NAV1: variants seen among roughly 807,000 people sequenced by gnomAD.
NAV1 encodes the protein pore membrane and/or filament interacting like protein 3.
Under a neutral mutation model 175.2 loss-of-function variants are expected in NAV1, and 18 were observed. The ratio of observed to expected loss-of-function variants is 0.10; its 90% CI spans 0.07 to 0.15. NAV1 has a LOEUF of 0.15. Among genes scored for constraint, NAV1 ranks in the 10% least tolerant of loss-of-function variants. NAV1 has a pLI of 1.00. For synonymous variants in NAV1, 897 were observed against 978.7 expected (o/e 0.92, Z 1.56); for missense variants, 1,731 against 2,436.6 (o/e 0.71, Z 6.10).
chr1:201,703,717 G>A (rs1671543481), intron 1 of NAV1, among the ~76,000 whole-genome samples: 1 of 152,250 alleles, frequency 6.6e-6, no homozygotes, highest in African/African-American at 2.4e-5. Context: ...CGGCTGAGCA[G>A]GGCTGAGCTG....
At chr1:201,567,548 C>T (rs1666392283) in intron 1 of NAV1, among the ~76,000 whole-genome samples, 1 of 152,276 alleles carries the variant, frequency 6.6e-6, no homozygotes, top group East Asian at 1.9e-4. Flanking sequence ...CTCAGGGATC[C>T]ATATGGTCTA....
At chr1:201,648,694 T>C in exon 1 of NAV1, 2 of 1,423,400 alleles carry the variant, frequency 1.4e-6, no homozygotes, top group Non-Finnish European at 1.8e-6. Flanking sequence ...GTCAAGAGCG[T>C]GCAGCCCGAG....
chr1:201,606,229 C>T (rs755461471), intron 2 of NAV1, among the ~76,000 whole-genome samples: 4 of 152,144 alleles, frequency 2.6e-5, no homozygotes, highest in African/African-American at 4.8e-5. Context: ...GGCCAGGGAT[C>T]GACCAGGACC....
At chr1:201,663,074 T>G (rs1322351086) in intron 1 of NAV1, among the ~76,000 whole-genome samples, 1 of 152,230 alleles carries the variant, frequency 6.6e-6, no homozygotes, top group Admixed American at 6.5e-5. Context: ...CCGGTCCATG[T>G]GGCGGAATAG....
chr1:201,793,683 T>C (rs1677251341), intron 13 of NAV1, 109 bp from the exon 18 acceptor site: 1 of 901,914 alleles, frequency 1.1e-6, no homozygotes, highest in African/African-American at 1.6e-5. Flanking sequence ...TTGCTGGCAT[T>C]GGTCAGCTCC....
chr1:201,820,033 C>A, exon 30 of NAV1: 3 of 1,123,630 alleles, frequency 2.7e-6, no homozygotes, highest in Non-Finnish European at 4.0e-6. Context: ...GGCTCTCCAG[C>A]CCCAGGAGGA....
intron 2 of NAV1, among the ~76,000 whole-genome samples, chr1:201,591,664 C>T (rs1486217614): frequency 6.6e-6 from 1 of 152,180 alleles, no homozygotes; most frequent in Admixed American, 6.5e-5. Flanking sequence ...CCACCCTGGG[C>T]CCCACCCCAG....
At chr1:201,742,831 G>A (rs239985) in intron 3 of NAV1, among the ~76,000 whole-genome samples, 132,945 of 152,064 alleles carry the variant, frequency 0.87, 58,417 homozygotes, top group Middle Eastern at 0.92. Flanking sequence ...CACACACACC[G>A]CAGGCAAACC....
At chr1:201,595,611 G>A (rs1325269210) in intron 2 of NAV1, among the ~76,000 whole-genome samples, 1 of 152,234 alleles carries the variant, frequency 6.6e-6, no homozygotes, top group Non-Finnish European at 1.5e-5. Context: ...GTGGGGCCAG[G>A]GTAGGGGCAG....
chr1:201,718,314 C>A lies in NAV1; in HGVS notation c.861-76C>A. 7.1e-7 allele frequency: 1 copy of A among 1,403,456 alleles called. No individual in the cohort carries two copies. Among genetic ancestry groups the A allele is most frequent in the East Asian group, 2.5e-5 (1 of 39,454 alleles). 86.9% of individuals were successfully genotyped at this position (1,403,456 alleles called of 1,614,324 possible). A position where few individuals can be genotyped will look rare whatever the true frequency, so the allele number is the denominator to read the frequency against. On this transcript the variant is annotated intron_variant, in intron 2 of 29. Coordinates refer to ENST00000367296, the Ensembl canonical transcript of NAV1. The surrounding 1 kb of genome is among the most constrained non-coding windows in gnomAD (Gnocchi z 4.8). The stretch of plus-strand genomic sequence containing the variant: ...GCCTGTGGGTGGAGGGGAGGCATTG[C>A]TGGGGTGCATGTGAGGGGACAGGGC...
At chr1:201,811,551 C>T (rs372092266) in intron 24 of NAV1, 52 bp from the exon 29 acceptor site, 61 of 1,609,088 alleles carry the variant, frequency 3.8e-5, no homozygotes, top group Non-Finnish European at 4.8e-5. Flanking sequence ...TTTCCAAGGC[C>T]GATCCAGCTG....
intron 2 of NAV1, among the ~76,000 whole-genome samples, chr1:201,630,457 C>T (rs759281980): frequency 4.2e-4 from 64 of 152,324 alleles, no homozygotes; most frequent in Middle Eastern, 3.4e-3. Flanking sequence ...CTGAGATCAC[C>T]GGACAGGATG....
At chr1:201,721,622 G>A (rs895715937) in intron 3 of NAV1, among the ~76,000 whole-genome samples, 6 of 152,166 alleles carry the variant, frequency 3.9e-5, no homozygotes, top group African/African-American at 1.4e-4. Flanking sequence ...TCATTAAAGG[G>A]GTAGGACTGT....
intron 1 of NAV1, among the ~76,000 whole-genome samples, chr1:201,626,691 C>A (rs1391981770): frequency 6.6e-6 from 1 of 152,228 alleles, no homozygotes; most frequent in Non-Finnish European, 1.5e-5. Flanking sequence ...CCTTTACCAC[C>A]TCCCTAACCC....
chr1:201,586,651 A>G (rs1201291611), intron 1 of NAV1, among the ~76,000 whole-genome samples: 3 of 152,030 alleles, frequency 2.0e-5, no homozygotes, highest in African/African-American at 7.2e-5. Flanking sequence ...TGGGAGAGGA[A>G]GGGAAGACAG....
At chr1:201,695,963 G>A (rs1333740792) in intron 1 of NAV1, among the ~76,000 whole-genome samples, 1 of 152,238 alleles carries the variant, frequency 6.6e-6, no homozygotes, top group East Asian at 1.9e-4. Context: ...CAGAAATGGG[G>A]CTGATTCCTT....
In NAV1 at chr1:201,718,378, C is replaced by T. The variant is rs368950226; in HGVS notation, c.861-12C>T. The T allele has an allele frequency of 1.3e-6, 2 of 1,524,876 alleles. No homozygotes were observed. The allele number at this position is 1,524,876 out of a possible 1,614,324, so 94.5% of individuals were successfully genotyped here. On this transcript the variant is annotated splice_polypyrimidine_tract_variant and intron_variant, in intron 2 of 29. Coordinates refer to ENST00000367296, the Ensembl canonical transcript of NAV1. The surrounding 1 kb of genome is among the most constrained non-coding windows in gnomAD (Gnocchi z 4.8). ...GCCAAGGACTAAGTAGTGCCTTCTG[C>T]TCTCCACCCAGCTCCCTGGAGATGA...
chr1:201,746,616 G>C (rs911638704), intron 3 of NAV1, among the ~76,000 whole-genome samples: 1 of 152,148 alleles, frequency 6.6e-6, no homozygotes, highest in Non-Finnish European at 1.5e-5. Flanking sequence ...GAAATGTAAG[G>C]GAAGATTTAT....
At chr1:201,703,916 G>A (rs1344386373) in intron 1 of NAV1, among the ~76,000 whole-genome samples, 1 of 152,218 alleles carries the variant, frequency 6.6e-6, no homozygotes, top group Admixed American at 6.5e-5. Context: ...ACACTGCGGA[G>A]GAGCAGAGGT....
Sources: allele counts gnomAD v4.1 joint callset (sites outside exome capture counted in the v4.1 genomes callset), GRCh38; gene constraint gnomAD v4.1.1; non-coding constraint Gnocchi (gnomAD v3.1); transcripts MANE v1.5; gene names NCBI Gene and HGNC (gene_info 2026-07-23, HGNC 2026-07-21).